Variants in ATP2B3 observed in about 807,000 individuals in gnomAD.
ATP2B3 encodes ATPase plasma membrane Ca2+ transporting 3.
In ATP2B3, 12 loss-of-function variants were observed where a neutral mutation model predicts 70.8. The ratio of observed to expected loss-of-function variants is 0.17; its 90% CI spans 0.11 to 0.27. ATP2B3 has a LOEUF of 0.27. Ranked by LOEUF, ATP2B3 falls within the 10% of genes least tolerant of loss-of-function variation. ATP2B3 has a pLI of 1.00. For synonymous variants in ATP2B3, 460 were observed against 497.8 expected (o/e 0.92, Z 1.01); for missense variants, 858 against 1,118.5 (o/e 0.77, Z 3.32).
At chrX:153,557,253 G>A (rs1179375329) in intron 16 of ATP2B3, among the ~76,000 whole-genome samples, 1 of 112,040 alleles carries the variant, frequency 8.9e-6, no homozygotes, top group African/African-American at 3.2e-5. Context: ...GTGGGCCCCA[G>A]ACATACTGTG....
intron 19 of ATP2B3, among the ~76,000 whole-genome samples, chrX:153,561,127 G>A (rs782134937): frequency 2.0e-4 from 23 of 112,376 alleles, no homozygotes; most frequent in African/African-American, 7.1e-4. Flanking sequence ...GAAGGGTTTC[G>A]TGAGCCCTCA....
chrX:153,546,752 C>T (rs1557008891), intron 8 of ATP2B3, among the ~76,000 whole-genome samples: 1 of 113,051 alleles, frequency 8.8e-6, no homozygotes, highest in Non-Finnish European at 1.9e-5. Flanking sequence ...TGCTGGAGTC[C>T]ATGGGGAACA....
chrX:153,560,572 G>A, intron 18 of ATP2B3, 104 bp from the exon 19 acceptor site: 1 of 926,881 alleles, frequency 1.1e-6, no homozygotes, highest in Non-Finnish European at 1.5e-6. Flanking sequence ...GCCATCCCCT[G>A]GGACAAGGGA....
chrX:153,558,382 T>G, intron 17 of ATP2B3, 79 bp downstream of exon 17: 1 of 960,199 alleles, frequency 1.0e-6, no homozygotes, highest in Non-Finnish European at 1.4e-6. Flanking sequence ...AGTGAGGGTT[T>G]TGTTTTCTTT....
Position 153,536,436 on chromosome X carries a change from G to T in ATP2B3, c.189G>T (p.Leu63=). The T allele has an allele frequency of 8.3e-7, 1 of 1,199,445 alleles. No individual in the cohort carries two copies. The change falls in exon 3 of 22, where the codon CTG becomes CTT. Residue 63 remains leucine, a synonymous_variant. Coordinates refer to ENST00000263519, the MANE Select transcript of ATP2B3 (RefSeq NM_001001344.3). The part of the protein sequence containing the change: ...YGDVSGLCRR[L]KTSPTEGLAD... ...ATGTCAGCGGGCTCTGCCGGAGGCT[G>T]AAGACCTCACCCACAGAGGGTAAGT...
chrX:153,571,508 T>C (rs1289320627), intron 21 of ATP2B3, among the ~76,000 whole-genome samples: 2 of 111,504 alleles, frequency 1.8e-5, no homozygotes, highest in Admixed American at 1.9e-4. Context: ...CAGCTCCTTG[T>C]CCCTCTCCAG....
At chrX:153,548,367 TC>T (rs1227351050) in intron 9 of ATP2B3, among the ~76,000 whole-genome samples, 2 of 110,432 alleles carry the variant, frequency 1.8e-5, no homozygotes, top group Non-Finnish European at 3.8e-5. Flanking sequence ...TTGCTAGTCC[TC>T]CCCAGCGGTG....
At chrX:153,576,542 G>C (rs2090859265) in intron 21 of ATP2B3, among the ~76,000 whole-genome samples, 3 of 111,829 alleles carry the variant, frequency 2.7e-5, no homozygotes, top group African/African-American at 9.7e-5. Context: ...GCATCCGAGG[G>C]GGAACACCCG....
At chrX:153,554,488 G>C (rs1420571233) in intron 13 of ATP2B3, among the ~76,000 whole-genome samples, 1 of 112,679 alleles carries the variant, frequency 8.9e-6, no homozygotes, top group Non-Finnish European at 1.9e-5. Flanking sequence ...GAGTCCAAGG[G>C]GTAGACCACA....
In ATP2B3 at chrX:153,559,858, C is replaced by G. The variant is rs781793743; in HGVS notation, c.2755C>G (p.Pro919Ala). 2 of 1,210,620 alleles carry G rather than the reference C, an allele frequency of 1.7e-6. No individual in the cohort carries two copies. The highest frequency in any genetic ancestry group is 4.4e-5 in the Admixed American group (2 of 45,923). The change falls in exon 18 of 22, where the codon CCC (proline) becomes GCC (alanine). Residue 919 changes from proline (P) to alanine (A), a missense_variant. Physicochemically the swap from Pro to Ala is conservative, Grantham distance 27. This residue lies in a region of ATP2B3 where 265 missense variants were observed against 305.3 expected (regional missense o/e 0.87). Coordinates refer to ENST00000263519, the MANE Select transcript of ATP2B3 (RefSeq NM_001001344.3). ...GCGGAAGCCGTACGGCCGCGACAAG[C>G]CCCTCATCTCCCGCACCATGATGAA... ...LLRKPYGRDK[P>A]LISRTMMKNI...
chrX:153,564,204 G>C (rs2090667721), intron 20 of ATP2B3, among the ~76,000 whole-genome samples: 1 of 113,133 alleles, frequency 8.8e-6, no homozygotes, highest in Admixed American at 9.2e-5. Flanking sequence ...CTAGGCCAGA[G>C]CTCCAGCTGT....
chrX:153,520,790 C>A (rs909510013), intron 2 of ATP2B3, among the ~76,000 whole-genome samples: 2 of 112,057 alleles, frequency 1.8e-5, no homozygotes, highest in Admixed American at 1.9e-4. Context: ...GAAGTGTGTG[C>A]GGAAGTCAGC....
intron 6 of ATP2B3, among the ~76,000 whole-genome samples, chrX:153,542,666 G>C (rs1276633443): frequency 8.8e-6 from 1 of 113,302 alleles, no homozygotes; most frequent in Non-Finnish European, 1.9e-5. Context: ...AGGCCCGGGA[G>C]AGTGCTTTGT....
In ATP2B3 at chrX:153,527,604, A is replaced by T. The variant is rs113079592; in HGVS notation, c.-126-8518A>T. ...TGTAGACTTCTGGCCCCAATCACAA[A>T]GGGGCTTCCAACCTCCCCGTGGGAT... On this transcript the variant is annotated intron_variant, in intron 2 of 21. Coordinates refer to ENST00000263519, the MANE Select transcript of ATP2B3 (RefSeq NM_001001344.3). Among the ~76,000 whole-genome samples, 347 of 112,757 alleles carry T rather than the reference A, an allele frequency of 3.1e-3. 1 individual carries two copies. The highest frequency in any genetic ancestry group is 0.01 in the African/African-American group (320 of 31,120).
intron 2 of ATP2B3, among the ~76,000 whole-genome samples, chrX:153,526,786 C>T (rs1223435040): frequency 8.9e-6 from 1 of 111,983 alleles, no homozygotes; most frequent in Non-Finnish European, 1.9e-5. Flanking sequence ...GCAGGCTTGA[C>T]TCCCATCTTC....
chrX:153,529,325 G>A (rs1381636236), intron 2 of ATP2B3, among the ~76,000 whole-genome samples: 1 of 112,151 alleles, frequency 8.9e-6, no homozygotes, highest in Non-Finnish European at 1.9e-5. Context: ...CAGGGTGGGG[G>A]TAGGGTGTGT....
At chrX:153,553,320 G>A (rs781977863) in intron 13 of ATP2B3, 51 bp downstream of exon 13, 7 of 1,096,396 alleles carry the variant, frequency 6.4e-6, no homozygotes, top group South Asian at 2.0e-5. Context: ...CCCTCTGCCC[G>A]AGCTTGTCCG....
At chrX:153,553,340 G>A in intron 13 of ATP2B3, 71 bp downstream of exon 13, 1 of 988,354 alleles carries the variant, frequency 1.0e-6, no homozygotes, top group Non-Finnish European at 1.4e-6. Context: ...GGACTGGTAG[G>A]GGCGGCCTTC....
rs782360314 is a variant in ATP2B3 at position 153,565,002 on chromosome X, G to C, written c.3241G>C (p.Glu1081Gln). The change falls in exon 21 of 22, where the codon GAG (glutamate) becomes CAG (glutamine). Residue 1081 changes from glutamate to glutamine, a missense_variant. Physicochemically the swap from Glu to Gln is conservative, Grantham distance 29. Transcript: ENST00000263519. ...HGPGKDEMTDEELAEGEEEID... is the reference protein window; with the variant it reads ...HGPGKDEMTDQELAEGEEEID... ...GCCCGGGAAGGACGAGATGACCGACGAGGAGCTGGCCGAAGGCGAGGAAGA... is the reference window on the plus strand; with the variant it reads ...GCCCGGGAAGGACGAGATGACCGACCAGGAGCTGGCCGAAGGCGAGGAAGA... 44 of 1,200,428 alleles carry C rather than the reference G, an allele frequency of 3.7e-5. No homozygotes were observed. Among genetic ancestry groups the C allele is most frequent in the Non-Finnish European group, 4.8e-5 (43 of 889,695 alleles).
Sources: allele counts gnomAD v4.1 joint callset (sites outside exome capture counted in the v4.1 genomes callset), GRCh38; gene constraint gnomAD v4.1.1; regional missense constraint gnomAD v4.1.1; transcripts MANE v1.5; gene names NCBI Gene and HGNC (gene_info 2026-07-23, HGNC 2026-07-21).